Variants in SMAD3 observed in about 807,000 individuals in gnomAD.
SMAD3 encodes the protein SMAD family member 3.
Under a neutral mutation model 51.8 loss-of-function variants are expected in SMAD3, and 12 were observed. The observed-to-expected ratio is 0.23, with a 90% confidence interval of 0.15 to 0.38. The LOEUF is 0.38. SMAD3 is among the 10% of genes least tolerant of loss of function. SMAD3 has a pLI of 1.00. For missense variants in SMAD3, 294 were observed against 565.6 expected, an observed-to-expected ratio of 0.52 and a Z score of 4.87; for synonymous variants, 238 against 227.7, an observed-to-expected ratio of 1.05 and a Z score of -0.41.
At chr15:67,120,432 A>G (rs906115456) in intron 1 of SMAD3, among the ~76,000 whole-genome samples, 4 of 152,216 alleles carry the variant, frequency 2.6e-5, no homozygotes, top group African/African-American at 9.6e-5. Flanking sequence ...GTATGTATCA[A>G]ACTCACTTTG....
intron 1 of SMAD3, among the ~76,000 whole-genome samples, chr15:67,145,774 A>G (rs1185884343): frequency 1.7e-4 from 26 of 152,206 alleles, no homozygotes; most frequent in Non-Finnish European, 1.5e-5. Flanking sequence ...CCCAGGTGGT[A>G]AGGAGAGGAG....
At chr15:67,068,583 G>A (rs1031048033) in intron 1 of SMAD3, among the ~76,000 whole-genome samples, 29 of 152,200 alleles carry the variant, frequency 1.9e-4, no homozygotes, top group African/African-American at 6.5e-4. Context: ...TCGTGACTTT[G>A]TTAGGACTGA....
intron 1 of SMAD3, among the ~76,000 whole-genome samples, chr15:67,152,316 A>C (rs1962168577): frequency 6.6e-6 from 1 of 151,836 alleles, no homozygotes; most frequent in Admixed American, 6.6e-5. Context: ...CTTCTCCCTC[A>C]AACTGACAAT....
At chr15:67,162,983 TGA>T (rs1962471710) in intron 1 of SMAD3, among the ~76,000 whole-genome samples, 1 of 151,508 alleles carries the variant, frequency 6.6e-6, no homozygotes, top group Non-Finnish European at 1.5e-5. Context: ...ATGATGATGA[TGA>T]TGATTTGAAA....
At chr15:67,129,234 T>G (rs1043652655) in intron 1 of SMAD3, among the ~76,000 whole-genome samples, 2 of 152,196 alleles carry the variant, frequency 1.3e-5, no homozygotes, top group South Asian at 4.1e-4. Flanking sequence ...TTCAGTCTAC[T>G]TGGGGAAAGA....
chr15:67,166,857 A>C lies in SMAD3; in HGVS notation c.607+4A>C, dbSNP rs1465673227. On this transcript the variant is annotated splice_donor_region_variant and intron_variant, in intron 4 of 8. Transcript: ENST00000327367. Reference sequence around the variant, plus strand: ...ATGAACCACAGCATGGACGCAGGTCAGTCATGCAGGGTCATGCTCTTATTC... The same window carrying C: ...ATGAACCACAGCATGGACGCAGGTCCGTCATGCAGGGTCATGCTCTTATTC... 9 of 1,583,894 alleles carry C rather than the reference A, an allele frequency of 5.7e-6. No homozygotes were observed. In the African/African-American group the frequency reaches 1.2e-4, roughly 21 times the overall value.
At chr15:67,141,842 G>GC (rs1961832371) in intron 1 of SMAD3, among the ~76,000 whole-genome samples, 1 of 152,144 alleles carries the variant, frequency 6.6e-6, no homozygotes, top group Non-Finnish European at 1.5e-5. Flanking sequence ...GGGGTTGAGT[G>GC]CCCCAGAAAA....
rs577952011 is a variant in SMAD3, at chr15:67,194,979, G to A, written c.*4443G>A. ...ACTGTGTTGATTACCTTCACTATTC[G>A]GCCAGCCTGACCTTTTAATAACTTT... On this transcript the variant is annotated 3_prime_UTR_variant, in exon 9 of 9. Transcript: ENST00000327367. 5 of 233,554 alleles carry A rather than the reference G, an allele frequency of 2.1e-5. No homozygotes were observed. Among genetic ancestry groups the A allele is most frequent in the Non-Finnish European group, 4.2e-5 (5 of 117,964 alleles). The allele number at this position is 233,554 out of a possible 1,614,324, so 14.5% of individuals were successfully genotyped here.
At position 67,181,383 on chromosome 15, in the gene SMAD3, G is replaced by A. The variant is rs764958567; in HGVS notation, c.801G>A (p.Glu267=). Residue 267 remains glutamate, a synonymous_variant, in exon 6 of 9, where the codon GAG becomes GAA. Transcript: ENST00000327367. ...GCTTCACCGACCCCTCCAATTCGGA[G>A]CGCTTCTGCCTAGGGCTGCTCTCCA... ...VDGFTDPSNS[E]RFCLGLLSNV... 4 of 1,614,160 alleles carry A rather than the reference G, an allele frequency of 2.5e-6. No individual in the cohort carries two copies. The East Asian group carries it at 8.9e-5, about 36-fold the overall frequency.
intron 1 of SMAD3, among the ~76,000 whole-genome samples, chr15:67,080,880 C>G (rs996757284): frequency 6.6e-6 from 1 of 152,078 alleles, no homozygotes; most frequent in Admixed American, 6.6e-5. Flanking sequence ...CCGCGATCAT[C>G]CAAACCTCAT....
At chr15:67,144,429 AAGT>A (rs1473881737) in intron 1 of SMAD3, among the ~76,000 whole-genome samples, 1 of 152,166 alleles carries the variant, frequency 6.6e-6, no homozygotes, top group Non-Finnish European at 1.5e-5. Context: ...GTTTCTCCTG[AAGT>A]AGTATTTTGT....
At chr15:67,116,915 A>G (rs1388468609) in intron 1 of SMAD3, among the ~76,000 whole-genome samples, 1 of 152,172 alleles carries the variant, frequency 6.6e-6, no homozygotes, top group East Asian at 1.9e-4. Context: ...GAGGTGAGAA[A>G]GCAGATAAAT....
At chr15:67,074,504 G>A (rs1277270841) in intron 1 of SMAD3, among the ~76,000 whole-genome samples, 1 of 152,224 alleles carries the variant, frequency 6.6e-6, no homozygotes, top group Non-Finnish European at 1.5e-5. Flanking sequence ...GTTAGGCAGC[G>A]TGGATGTTGC....
intron 8 of SMAD3, among the ~76,000 whole-genome samples, chr15:67,188,129 C>A (rs1963267767): frequency 1.3e-5 from 2 of 148,178 alleles, no homozygotes; most frequent in South Asian, 4.3e-4. Context: ...GTCCTACATA[C>A]TGGTTTCTTT....
At chr15:67,091,337 A>G (rs1461175033) in intron 1 of SMAD3, among the ~76,000 whole-genome samples, 2 of 152,150 alleles carry the variant, frequency 1.3e-5, no homozygotes, top group Non-Finnish European at 2.9e-5. Context: ...CACGGTAACA[A>G]ATGGCTGAAG....
chr15:67,145,753 A>G (rs893473), intron 1 of SMAD3, among the ~76,000 whole-genome samples: 101,930 of 152,092 alleles, frequency 0.67, 36,088 homozygotes, highest in Middle Eastern at 0.81. Flanking sequence ...GAGGCACTTG[A>G]CCTGAGGTGG....
At chr15:67,087,517 A>G (rs2140210778) in intron 1 of SMAD3, among the ~76,000 whole-genome samples, 1 of 152,296 alleles carries the variant, frequency 6.6e-6, no homozygotes, top group Middle Eastern at 3.4e-3. Context: ...CATTTCAGGT[A>G]TGGATGGGAG....
chr15:67,074,354 G>T (rs1717814005), intron 1 of SMAD3, among the ~76,000 whole-genome samples: 1 of 152,246 alleles, frequency 6.6e-6, no homozygotes, highest in Non-Finnish European at 1.5e-5. Flanking sequence ...ATGGTTAAAT[G>T]TAAGAGGTAG....
At chr15:67,124,921 T>C (rs1260982553) in intron 1 of SMAD3, among the ~76,000 whole-genome samples, 1 of 152,170 alleles carries the variant, frequency 6.6e-6, no homozygotes, top group African/African-American at 2.4e-5. Context: ...AGTCTTGGAG[T>C]CAGGGCTCCT....
Sources: allele counts gnomAD v4.1 joint callset (sites outside exome capture counted in the v4.1 genomes callset), GRCh38; gene constraint gnomAD v4.1.1; transcripts MANE v1.5; gene names NCBI Gene and HGNC (gene_info 2026-07-23, HGNC 2026-07-21).